Variants in HDAC9 observed in about 807,000 individuals in gnomAD.
The protein encoded by HDAC9 is MEF-2 interacting transcription repressor (MITR) protein.
Under a neutral mutation model 139.4 loss-of-function variants are expected in HDAC9, and 41 were observed. The ratio of observed to expected loss-of-function variants is 0.29; its 90% CI spans 0.23 to 0.38. The LOEUF (loss-of-function observed/expected upper bound fraction) is 0.38. Ranked by LOEUF, HDAC9 falls within the 10% of genes least tolerant of loss-of-function variation. The probability of loss-of-function intolerance (pLI) is 1.00; values close to 1 mark genes in which losing one functional copy is unlikely to be tolerated. For synonymous variants in HDAC9, 517 were observed against 476.2 expected (o/e 1.09, Z -1.12); for missense variants, 1,147 against 1,297.0 (o/e 0.88, Z 1.78).
chr7:18,294,421 C>G (rs1282483389), intron 1 of HDAC9, among the ~76,000 whole-genome samples: 1 of 151,624 alleles, frequency 6.6e-6, no homozygotes, highest in Non-Finnish European at 1.5e-5. Flanking sequence ...TATAGCGTAT[C>G]CTATAGTCTT....
In HDAC9 at chr7:18,926,080, G is replaced by A. The variant is rs144062923; in HGVS notation, c.2804-9729G>A. 2.3e-3 allele frequency among the ~76,000 whole-genome samples: 355 copies of A among 152,240 alleles called. 5 individuals are homozygous for A. Among genetic ancestry groups the A allele is most frequent in the Non-Finnish European group, 1.4e-3 (97 of 68,024 alleles). On this transcript the variant is annotated intron_variant, in intron 22 of 25. Coordinates refer to ENST00000686413, the MANE Select transcript of HDAC9 (RefSeq NM_178425.4). ...AGTATAAATACTGGCCAAGCATGGT[G>A]GCTCACACCTGTAATCCCAGAACTC...
chr7:18,701,505 A>T (rs1008222395), intron 12 of HDAC9, among the ~76,000 whole-genome samples: 5 of 151,976 alleles, frequency 3.3e-5, no homozygotes, highest in Non-Finnish European at 4.4e-5. Context: ...ATTTTCAGAT[A>T]AAGGCAATTT....
chr7:18,974,059 C>G (rs1453643514), intron 24 of HDAC9, among the ~76,000 whole-genome samples: 1 of 152,166 alleles, frequency 6.6e-6, no homozygotes, highest in Non-Finnish European at 1.5e-5. Context: ...CATCCCACTC[C>G]AGACTCTTCC....
intron 6 of HDAC9, among the ~76,000 whole-genome samples, chr7:18,622,443 C>T (rs1167097375): frequency 6.6e-6 from 1 of 152,064 alleles, no homozygotes; most frequent in African/African-American, 2.4e-5. Flanking sequence ...GCTGCCTCAG[C>T]TCCCAAGTAG....
At chr7:18,345,918 AG>A (rs1562899977) in intron 1 of HDAC9, among the ~76,000 whole-genome samples, 19 of 152,054 alleles carry the variant, frequency 1.2e-4, no homozygotes, top group African/African-American at 4.6e-4. Flanking sequence ...TTTCTCTTCA[AG>A]GAGCCGCATG....
chr7:18,462,389 C>T lies in HDAC9; in HGVS notation c.-41-33873C>T, dbSNP rs188017082. Among the ~76,000 whole-genome samples the T allele has an allele frequency of 2.1e-3, 320 of 152,082 alleles. 5 individuals are homozygous for T. Among genetic ancestry groups the T allele is most frequent in the Non-Finnish European group, 6.8e-4 (46 of 67,900 alleles). ...AAGAATGCTGTTAAAAGTCAGGAAC[C>T]TTTATTTATTTATTTTCTTAATTAA... On this transcript the variant is annotated intron_variant, in intron 1 of 3. Transcript: ENST00000413509.
intron 2 of HDAC9, among the ~76,000 whole-genome samples, chr7:18,210,827 CACTT>C (rs1311206811): frequency 1.3e-5 from 2 of 152,252 alleles, no homozygotes; most frequent in African/African-American, 2.4e-5. Context: ...ATCATTTTAA[CACTT>C]AATCTTCCAT....
At chr7:18,682,620 C>CT (rs550073644) in intron 12 of HDAC9, among the ~76,000 whole-genome samples, 3 of 151,460 alleles carry the variant, frequency 2.0e-5, no homozygotes, top group Admixed American at 6.6e-5. Context: ...TTATAAAGGT[C>CT]TTTTTTTTCA....
chr7:18,835,617 T>C (rs757882861), intron 20 of HDAC9, 31 bp downstream of exon 20: 1 of 1,613,294 alleles, frequency 6.2e-7, no homozygotes, highest in South Asian at 1.1e-5. Context: ...GCCCCACTTT[T>C]ATTTGTATCT....
chr7:18,519,400 A>C (rs924308374), intron 2 of HDAC9, among the ~76,000 whole-genome samples: 1 of 152,230 alleles, frequency 6.6e-6, no homozygotes, highest in African/African-American at 2.4e-5. Context: ...TAAAGCAGAA[A>C]TATAAACTGT....
At chr7:18,941,613 C>T (rs961152659) in intron 23 of HDAC9, among the ~76,000 whole-genome samples, 2 of 152,132 alleles carry the variant, frequency 1.3e-5, no homozygotes, top group African/African-American at 4.8e-5. Context: ...TTACAAGCTC[C>T]TAAATAGTTG....
intron 22 of HDAC9, among the ~76,000 whole-genome samples, chr7:18,908,915 TACAC>T (rs1802506439): frequency 6.6e-6 from 1 of 152,128 alleles, no homozygotes; most frequent in African/African-American, 2.4e-5. Flanking sequence ...CCTTTGGATA[TACAC>T]ACAGTTGTGA....
At chr7:18,961,885 C>T (rs113344849) in intron 24 of HDAC9, among the ~76,000 whole-genome samples, 16 of 152,276 alleles carry the variant, frequency 1.1e-4, no homozygotes, top group African/African-American at 3.1e-4. Context: ...CTAAGTTACA[C>T]TATGTCACAA....
At chr7:18,531,685 T>C (rs1031528655) in intron 2 of HDAC9, among the ~76,000 whole-genome samples, 1 of 152,164 alleles carries the variant, frequency 6.6e-6, no homozygotes, top group Admixed American at 6.5e-5. Flanking sequence ...GTTCCTTTCA[T>C]ACTTTTACCC....
chr7:18,873,126 T>C (rs1290950542), intron 21 of HDAC9, among the ~76,000 whole-genome samples: 1 of 152,110 alleles, frequency 6.6e-6, no homozygotes, highest in Non-Finnish European at 1.5e-5. Flanking sequence ...TAATGTAAGG[T>C]TTGTAATTAC....
chr7:18,676,272 A>C (rs1004144648), intron 12 of HDAC9, among the ~76,000 whole-genome samples: 1 of 151,926 alleles, frequency 6.6e-6, no homozygotes, highest in Non-Finnish European at 1.5e-5. Context: ...CTTTCTTTGG[A>C]ATCAGCATGA....
At chr7:18,248,321 C>G (rs897207880) in intron 2 of HDAC9, among the ~76,000 whole-genome samples, 1 of 152,178 alleles carries the variant, frequency 6.6e-6, no homozygotes, top group African/African-American at 2.4e-5. Context: ...AATTGGGAAG[C>G]AGGCAAACAC....
chr7:18,183,183 GTA>G (rs1184903673), intron 2 of HDAC9, among the ~76,000 whole-genome samples: 2 of 151,980 alleles, frequency 1.3e-5, no homozygotes, highest in African/African-American at 2.4e-5. Flanking sequence ...CTAATTTTTT[GTA>G]TTTTTAGTAG....
intron 2 of HDAC9, among the ~76,000 whole-genome samples, chr7:18,559,167 T>A (rs1332229466): frequency 6.6e-6 from 1 of 152,178 alleles, no homozygotes; most frequent in African/African-American, 2.4e-5. Flanking sequence ...TCTGTACACC[T>A]CCAGAATATT....
Sources: gnomAD v4.1 joint callset for allele counts (sites outside exome capture counted in the v4.1 genomes callset) on GRCh38, gnomAD v4.1.1 for gene constraint, MANE v1.5 for transcripts, NCBI Gene and HGNC (gene_info 2026-07-23, HGNC 2026-07-21) for gene names.